The following PTPRO variants were observed in gnomAD, a reference collection of about 807,000 sequenced individuals.
PTPRO encodes receptor-type tyrosine-protein phosphatase O.
PTPRO carries 62 observed loss-of-function variants against 145.2 expected under a neutral mutation model. That is an observed-to-expected ratio of 0.43 (90% CI 0.35 to 0.53). The LOEUF (loss-of-function observed/expected upper bound fraction) is 0.53, where lower values mean the gene tolerates loss of function less well. Among genes scored for constraint, PTPRO ranks in the 20% least tolerant of loss-of-function variants. PTPRO has a pLI of 0.01. For synonymous variants in PTPRO, 565 were observed against 514.7 expected, an observed-to-expected ratio of 1.10 and a Z score of -1.32; for missense variants, 1,345 against 1,482.7, an observed-to-expected ratio of 0.91 and a Z score of 1.53.
At chr12:15,506,127 T>C (rs1433756155) in intron 6 of PTPRO, among the ~76,000 whole-genome samples, 1 of 152,190 alleles carries the variant, frequency 6.6e-6, no homozygotes, top group Non-Finnish European at 1.5e-5. Context: ...AGTCATAAGG[T>C]AAAACTATTA....
At position 15,455,315 on chromosome 12, in the gene PTPRO, C is replaced by CG. The variant is rs113707006; in HGVS notation, c.76-28659_76-28658insG. Among the ~76,000 whole-genome samples the CG allele has an allele frequency of 6.0e-3, 917 of 152,170 alleles. 11 individuals are homozygous for CG. Among genetic ancestry groups the CG allele is most frequent in the African/African-American group, 0.021 (860 of 41,520 alleles). On this transcript the variant is annotated intron_variant, in intron 1 of 26. Transcript: ENST00000281171. ...TCACCTCCCCACTGCCCCTTCCCCC[C>CG]CACACACACAATACCTGAAATCTCT...
intron 12 of PTPRO, among the ~76,000 whole-genome samples, chr12:15,536,929 G>C (rs566104883): frequency 6.6e-6 from 1 of 152,296 alleles, no homozygotes; most frequent in African/African-American, 2.4e-5. Flanking sequence ...GAGCCACAGA[G>C]GCGATGAAAA....
intron 1 of PTPRO, chr12:15,439,814 T>C (rs1166663018): frequency 3.3e-6 from 2 of 613,184 alleles, no homozygotes; most frequent in African/African-American, 3.6e-5. Flanking sequence ...TGACTTTTTC[T>C]TGGGGGCCTC....
chr12:15,358,129 C>G (rs187695309), intron 1 of PTPRO, among the ~76,000 whole-genome samples: 6 of 149,968 alleles, frequency 4.0e-5, no homozygotes, highest in Non-Finnish European at 8.9e-5. Context: ...AGTAAACTAT[C>G]GCAAGGACAA....
chr12:15,547,953 TCCA>T (rs766926911), intron 13 of PTPRO, among the ~76,000 whole-genome samples: 12 of 152,194 alleles, frequency 7.9e-5, no homozygotes, highest in Non-Finnish European at 1.5e-4. Flanking sequence ...TGGCCATGGG[TCCA>T]CCAAGTTAGC....
intron 1 of PTPRO, among the ~76,000 whole-genome samples, chr12:15,364,010 A>G (rs1191008859): frequency 6.6e-6 from 1 of 152,214 alleles, no homozygotes; most frequent in Non-Finnish European, 1.5e-5. Flanking sequence ...ATGTTGTGGA[A>G]CTATCCATTT....
At chr12:15,451,188 T>C (rs1035377025) in intron 1 of PTPRO, among the ~76,000 whole-genome samples, 1 of 151,924 alleles carries the variant, frequency 6.6e-6, no homozygotes, top group Non-Finnish European at 1.5e-5. Context: ...GTAGCTATTC[T>C]TATATAAGAC....
At chr12:15,416,305 T>TTC (rs1010264179) in intron 1 of PTPRO, among the ~76,000 whole-genome samples, 15 of 144,500 alleles carry the variant, frequency 1.0e-4, no homozygotes, top group Admixed American at 3.5e-4. Context: ...TGGTTCCTCT[T>TTC]TCTCTCTCTC....
At position 15,597,919 on chromosome 12, in the gene PTPRO, G is replaced by C. The variant is rs191974940; in HGVS notation, c.*1846G>C. On this transcript the variant is annotated 3_prime_UTR_variant, in exon 27 of 27. Coordinates refer to ENST00000281171, the MANE Select transcript of PTPRO (RefSeq NM_030667.3). ...TAGATTTTCACACATGGGCAGTCAG[G>C]AGTGAAATGTGCAACCTTGGAAGAG... Among the ~76,000 whole-genome samples, 1 of 152,334 alleles carries C rather than the reference G, an allele frequency of 6.6e-6. No individual in the cohort carries two copies.
chr12:15,474,255 A>G (rs1433850906), intron 1 of PTPRO, among the ~76,000 whole-genome samples: 1 of 152,024 alleles, frequency 6.6e-6, no homozygotes, highest in East Asian at 1.9e-4. Flanking sequence ...CATATCTCTG[A>G]CCCGTTTTTG....
rs374652104 is a variant in PTPRO at position 15,455,297 on chromosome 12, C to T, written c.76-28677C>T. ...GTTTTTCAGTAACACTGTTCACCTC[C>T]CCACTGCCCCTTCCCCCCCACACAC... On this transcript the variant is annotated intron_variant, in intron 1 of 26. Transcript: ENST00000281171. 4.3e-4 allele frequency among the ~76,000 whole-genome samples: 65 copies of T among 151,772 alleles called. 1 individual carries two copies. The South Asian group carries it at 0.012, about 28-fold the overall frequency.
chr12:15,532,457 G>A (rs1335443765), intron 12 of PTPRO, among the ~76,000 whole-genome samples: 1 of 152,086 alleles, frequency 6.6e-6, no homozygotes, highest in African/African-American at 2.4e-5. Flanking sequence ...TTGTCTTTTG[G>A]TGTCCTCTTA....
intron 1 of PTPRO, among the ~76,000 whole-genome samples, chr12:15,474,682 A>AT (rs367929385): frequency 3.2e-4 from 49 of 152,296 alleles, no homozygotes; most frequent in African/African-American, 1.1e-3. Context: ...AGTTTTACAT[A>AT]TTTTTTTACA....
Position 15,580,713 on chromosome 12 carries a change from A to G in PTPRO, c.3014A>G (p.Gln1005Arg). The change falls in exon 22 of 27, where the codon CAG (glutamine) becomes CGG (arginine). Residue 1005 changes from glutamine (Q) to arginine (R), a missense_variant. Gln to Arg is a conservative substitution (Grantham distance 43). Coordinates refer to ENST00000281171, the MANE Select transcript of PTPRO (RefSeq NM_030667.3). The stretch of plus-strand genomic sequence containing the variant: ...ATCTTTCAGGGATACAACTCACCCC[A>G]GGAGTATATTGCCACCCAGGGGCCA... Reference protein sequence around the residue: ...ANYIPGYNSPQEYIATQGPLP... With the variant: ...ANYIPGYNSPREYIATQGPLP... 6.2e-7 allele frequency: 1 copy of G among 1,614,108 alleles called. No homozygotes were observed. The highest frequency in any genetic ancestry group is 8.5e-7 in the Non-Finnish European group (1 of 1,179,978).
At chr12:15,560,335 TAAAC>T in intron 17 of PTPRO, 59 bp downstream of exon 17, 2 of 1,318,842 alleles carry the variant, frequency 1.5e-6, no homozygotes, top group Non-Finnish European at 2.2e-6. Context: ...TTTCAAGAAG[TAAAC>T]AAAAAGGAAA....
intron 1 of PTPRO, among the ~76,000 whole-genome samples, chr12:15,445,451 G>A (rs574788534): frequency 6.6e-6 from 1 of 152,220 alleles, no homozygotes; most frequent in African/African-American, 2.4e-5. Context: ...CTGAAACAAT[G>A]TAAGTGCACA....
At chr12:15,422,877 A>C (rs986760340) in intron 1 of PTPRO, among the ~76,000 whole-genome samples, 10 of 152,242 alleles carry the variant, frequency 6.6e-5, no homozygotes, top group South Asian at 2.1e-4. Context: ...CCCATGTCAC[A>C]TAAACCAAAG....
rs757232812 is a variant in PTPRO at position 15,501,696 on chromosome 12, T to C, written c.738T>C (p.Asn246=). Residue 246 remains asparagine (N), a synonymous_variant, in exon 5 of 27, where the codon AAT becomes AAC. Transcript: ENST00000281171. ...ACAACTGGGAAGAACAGAGTGGCAA[T>C]TTCCCAGAAGAATCCTTCATGAGAT... The part of the protein sequence containing the change: ...NKNNWEEQSG[N]FPEESFMRSQ... The C allele has an allele frequency of 6.2e-7, 1 of 1,613,956 alleles. No homozygotes were observed. The highest frequency in any genetic ancestry group is 1.1e-5 in the South Asian group (1 of 91,062).
intron 1 of PTPRO, among the ~76,000 whole-genome samples, chr12:15,475,480 T>C (rs1187799747): frequency 6.6e-6 from 1 of 152,222 alleles, no homozygotes; most frequent in Non-Finnish European, 1.5e-5. Context: ...AAGCACAATA[T>C]GTATATGATT....
Sources: gnomAD v4.1 joint callset for allele counts (sites outside exome capture counted in the v4.1 genomes callset) on GRCh38, gnomAD v4.1.1 for gene constraint, MANE v1.5 for transcripts, NCBI Gene and HGNC (gene_info 2026-07-23, HGNC 2026-07-21) for gene names.